The following ASH1L variants were observed in gnomAD, a reference collection of about 807,000 sequenced individuals.
ASH1L encodes ASH1 like histone lysine methyltransferase, also known as histone-lysine N-methyltransferase ASH1L.
In ASH1L, 23 loss-of-function variants were observed where a neutral mutation model predicts 269.0. That is an observed-to-expected ratio of 0.09 (90% CI 0.06 to 0.12). The LOEUF is 0.12. ASH1L is among the 10% of genes least tolerant of loss of function. ASH1L has a pLI of 1.00. For missense variants in ASH1L, 2,912 were observed against 3,567.8 expected (o/e 0.82, Z 4.68); for synonymous variants, 1,187 against 1,253.5 (o/e 0.95, Z 1.12).
intron 6 of ASH1L, among the ~76,000 whole-genome samples, chr1:155,412,858 C>A (rs1659913963): frequency 6.6e-6 from 1 of 151,566 alleles, no homozygotes; most frequent in Non-Finnish European, 1.5e-5. Context: ...TATGGGAAAA[C>A]CCTCATACCT....
intron 1 of ASH1L, among the ~76,000 whole-genome samples, chr1:155,538,571 T>C (rs1670213436): frequency 6.6e-6 from 1 of 150,910 alleles, no homozygotes. Flanking sequence ...ATTGAACTCC[T>C]GACCTCGTGA....
At chr1:155,446,755 G>A (rs1663067984) in intron 4 of ASH1L, among the ~76,000 whole-genome samples, 1 of 151,736 alleles carries the variant, frequency 6.6e-6, no homozygotes. Flanking sequence ...CCCAGCAGCT[G>A]GGACTTCAGG....
intron 1 of ASH1L, among the ~76,000 whole-genome samples, chr1:155,552,878 A>C (rs925331581): frequency 2.6e-5 from 4 of 152,216 alleles, no homozygotes; most frequent in Non-Finnish European, 4.4e-5. Flanking sequence ...AAGAAAATAA[A>C]TAACTAAAAT....
At chr1:155,459,935 T>G in intron 3 of ASH1L, 37 bp from the exon 4 acceptor site, 1 of 1,479,192 alleles carries the variant, frequency 6.8e-7, no homozygotes, top group Non-Finnish European at 9.2e-7. Context: ...CATAGGAAAA[T>G]TCAACTTTAA....
chr1:155,532,976 G>GAA (rs1169058623), intron 1 of ASH1L, among the ~76,000 whole-genome samples: 6 of 148,478 alleles, frequency 4.0e-5, no homozygotes, highest in Non-Finnish European at 8.9e-5. Flanking sequence ...GAGAGAGAGA[G>GAA]AGAGAGAGTG....
intron 17 of ASH1L, among the ~76,000 whole-genome samples, chr1:155,350,930 A>AG (rs2148348636): frequency 6.8e-6 from 1 of 147,564 alleles, no homozygotes; most frequent in Admixed American, 6.7e-5. Flanking sequence ...TAAAAAAAAA[A>AG]AGAAAAAGAA....
At chr1:155,495,401 C>A (rs1022705869) in intron 2 of ASH1L, among the ~76,000 whole-genome samples, 1 of 151,884 alleles carries the variant, frequency 6.6e-6, no homozygotes, top group Non-Finnish European at 1.5e-5. Context: ...ACCTGTACAG[C>A]GTGGTACTGT....
chr1:155,346,388 C>T lies in ASH1L; in HGVS notation c.7885G>A (p.Asp2629Asn), dbSNP rs776898361. 2 of 1,613,936 alleles carry T rather than the reference C, an allele frequency of 1.2e-6. No individual in the cohort carries two copies. The highest frequency in any genetic ancestry group is 1.1e-5 in the South Asian group (1 of 91,080). ...TTATCAGAGGTTCAGCTTACCCTGT[C>T]CACAGGCCTTGGGTCACACTGCTCA... is the stretch of plus-strand genomic sequence containing the variant. The part of the protein sequence containing the change: ...LCEQCDPRPV[D>N]REVPMIPRPH... Residue 2629 changes from aspartate to asparagine, a missense_variant, in exon 21 of 28, where the codon GAC (aspartate) becomes AAC (asparagine). Asp to Asn is a conservative substitution (Grantham distance 23). Around this residue, in one of 13 missense-constraint regions of ASH1L, gnomAD observed 179 missense variants for 293.8 expected, o/e 0.61. Transcript: ENST00000392403.
intron 12 of ASH1L, among the ~76,000 whole-genome samples, chr1:155,364,626 T>A (rs573804249): frequency 1.3e-5 from 2 of 152,176 alleles, no homozygotes; most frequent in African/African-American, 4.8e-5. Context: ...AAAGTACCCA[T>A]TCTTTTACCT....
chr1:155,466,356 AAAAACAAAAC>A (rs373247653), intron 3 of ASH1L, among the ~76,000 whole-genome samples: 52 of 152,150 alleles, frequency 3.4e-4, no homozygotes, highest in Middle Eastern at 3.4e-3. Context: ...CCCGTCTCAA[AAAAACAAAAC>A]AAAACAAAAC....
intron 1 of ASH1L, among the ~76,000 whole-genome samples, chr1:155,531,753 A>G (rs915628603): frequency 1.3e-5 from 2 of 152,234 alleles, no homozygotes; most frequent in Non-Finnish European, 2.9e-5. Flanking sequence ...CCATTTAGGT[A>G]GTAAAACTGG....
At chr1:155,365,364 C>T (rs534700681) in intron 12 of ASH1L, among the ~76,000 whole-genome samples, 2 of 148,902 alleles carry the variant, frequency 1.3e-5, no homozygotes, top group South Asian at 4.3e-4. Flanking sequence ...TGCCACTATG[C>T]CCGGCTGATT....
chr1:155,385,633 AT>A (rs1160517111), intron 7 of ASH1L, among the ~76,000 whole-genome samples: 1 of 152,126 alleles, frequency 6.6e-6, no homozygotes, highest in Non-Finnish European at 1.5e-5. Context: ...ATTTCAAGGC[AT>A]GAGCCACCAT....
intron 6 of ASH1L, among the ~76,000 whole-genome samples, chr1:155,405,084 C>T (rs1434388017): frequency 6.6e-6 from 1 of 151,290 alleles, no homozygotes; most frequent in African/African-American, 2.4e-5. Flanking sequence ...AATCCAATTC[C>T]AATTACAACA....
chr1:155,536,597 C>T (rs557367926), intron 1 of ASH1L, among the ~76,000 whole-genome samples: 1 of 152,156 alleles, frequency 6.6e-6, no homozygotes, highest in East Asian at 1.9e-4. Context: ...AAAAGTAGAA[C>T]CCATGCTTTT....
intron 7 of ASH1L, among the ~76,000 whole-genome samples, chr1:155,393,136 A>G (rs1658083302): frequency 6.6e-6 from 1 of 152,198 alleles, no homozygotes. Context: ...ACTTACTCTT[A>G]CCTTCATTAA....
At chr1:155,364,679 C>T (rs1325043511) in intron 12 of ASH1L, among the ~76,000 whole-genome samples, 1 of 152,076 alleles carries the variant, frequency 6.6e-6, no homozygotes, top group African/African-American at 2.4e-5. Flanking sequence ...GTGGCTCACA[C>T]TTGCAATCCC....
chr1:155,344,296 G>A lies in ASH1L; in HGVS notation c.7891-23C>T, dbSNP rs780995608. ...CTCCTGATAGGAGCAGAAAGCCAATGTATAAGGGCTGGAATTACTACATTC... is the reference window on the plus strand; with the variant it reads ...CTCCTGATAGGAGCAGAAAGCCAATATATAAGGGCTGGAATTACTACATTC... On this transcript the variant is annotated intron_variant, in intron 21 of 27. Transcript: ENST00000392403. 6 of 1,563,616 alleles carry A rather than the reference G, an allele frequency of 3.8e-6. No individual in the cohort carries two copies. In the Admixed American group the frequency reaches 8.4e-5, roughly 22 times the overall value.
chr1:155,374,466 T>C (rs1229105998), intron 10 of ASH1L, among the ~76,000 whole-genome samples: 3 of 152,186 alleles, frequency 2.0e-5, no homozygotes, highest in Non-Finnish European at 4.4e-5. Context: ...CAGTGTCAAA[T>C]CATGTAAATA....
Sources: gnomAD v4.1 joint callset for allele counts (sites outside exome capture counted in the v4.1 genomes callset) on GRCh38, gnomAD v4.1.1 for gene constraint, gnomAD v4.1.1 regional missense constraint, MANE v1.5 for transcripts, NCBI Gene and HGNC (gene_info 2026-07-23, HGNC 2026-07-21) for gene names.